Variants in TEP1 observed in about 807,000 individuals in gnomAD.
TEP1 encodes the protein telomerase associated protein 1, also known as telomerase protein component 1.
In TEP1, 241 loss-of-function variants were observed where a neutral mutation model predicts 306.3. The observed-to-expected ratio is 0.79, with a 90% CI of 0.71 to 0.88. The LOEUF (loss-of-function observed/expected upper bound fraction) is 0.88. Among genes scored for constraint, TEP1 ranks in the 40% least tolerant of loss-of-function variants. The probability of loss-of-function intolerance (pLI) is 0.00; values close to 1 mark genes in which losing one functional copy is unlikely to be tolerated. For missense variants in TEP1, 3,051 were observed against 3,276.1 expected, an observed-to-expected ratio of 0.93 and a Z score of 1.68; for synonymous variants, 1,289 against 1,305.5, an observed-to-expected ratio of 0.99 and a Z score of 0.27.
intron 51 of TEP1, 143 bp downstream of exon 51, chr14:20,371,075 T>C: frequency 2.9e-6 from 2 of 678,068 alleles, no homozygotes; most frequent in Non-Finnish European, 5.2e-6. Context: ...TGTCCTAAAT[T>C]AGAACTGCTC....
chr14:20,399,158 G>T (rs1169630709), intron 9 of TEP1, among the ~76,000 whole-genome samples: 1 of 152,200 alleles, frequency 6.6e-6, no homozygotes, highest in Admixed American at 6.5e-5. Context: ...CTCCCAAAGT[G>T]CTGGGATTAC....
chr14:20,386,122 A>G lies in TEP1; in HGVS notation c.2935T>C (p.Tyr979His). The part of the protein sequence containing the change: ...FVGILGSRYG[Y>H]IPPSYNLPDH... ...GGAAGGTTGTAGCTGGGGGGAATGT[A>G]TCCATAACGGGAGCCCAGAATCCCC... Residue 979 changes from tyrosine to histidine, a missense_variant, in exon 20 of 55, where the codon TAC becomes CAC. Tyr to His is a moderately conservative substitution (Grantham distance 83, BLOSUM62 2). Around this residue, in one of 3 missense-constraint regions of TEP1, gnomAD observed 1,507 missense variants for 1,550.5 expected, o/e 0.97. Transcript: ENST00000262715. The G allele has an allele frequency of 1.2e-6, 2 of 1,613,430 alleles. No individual in the cohort carries two copies. Among genetic ancestry groups the G allele is most frequent in the Non-Finnish European group, 1.7e-6 (2 of 1,179,754 alleles).
At chr14:20,407,851 G>C (rs1201173384) in intron 2 of TEP1, 22 bp downstream of exon 2, 1 of 1,553,462 alleles carries the variant, frequency 6.4e-7, no homozygotes, top group Non-Finnish European at 8.7e-7. Context: ...CTGGAGTCAA[G>C]ATGAGTGCCT....
At position 20,403,739 on chromosome 14, in the gene TEP1, C is replaced by T. The variant is rs757899029; in HGVS notation, c.1178G>A (p.Arg393Gln). The T allele has an allele frequency of 5.6e-5, 90 of 1,613,560 alleles. No homozygotes were observed. Among genetic ancestry groups the T allele is most frequent in the Non-Finnish European group, 7.2e-5 (85 of 1,180,014 alleles). The change falls in exon 6 of 55, where the codon CGG becomes CAG. Residue 393 changes from arginine (R) to glutamine (Q), a missense_variant. Arg to Gln is a conservative substitution (Grantham distance 43). Coordinates refer to ENST00000262715, the MANE Select transcript of TEP1 (RefSeq NM_007110.5). ...RKHRAKRHPR[R>Q]PPRSPGMEPP... The stretch of plus-strand genomic sequence containing the variant: ...GTGACTGACTGGAGAGCGGGGTGGC[C>T]GGCGGGGGTGTCTCTTGGCCCGGTG...
chr14:20,381,874 A>G lies in TEP1; in HGVS notation c.4424+39T>C. ...GGCCCCGGCTCAAAGAAGGGAAGGC[A>G]CAGAGAGGTCAGCGGGAGCTCTGCT... is the stretch of plus-strand genomic sequence containing the variant. On this transcript the variant is annotated intron_variant, in intron 30 of 54. Coordinates refer to ENST00000262715, the MANE Select transcript of TEP1 (RefSeq NM_007110.5). The surrounding 1 kb of genome is among the most constrained non-coding windows in gnomAD (Gnocchi z 4.0). The G allele has an allele frequency of 6.2e-7, 1 of 1,608,864 alleles. No homozygotes were observed. The highest frequency in any genetic ancestry group is 1.3e-5 in the African/African-American group (1 of 74,966).
rs952500501 is a variant in TEP1, at chr14:20,369,506, T to C, written c.7494A>G (p.Glu2498=). 1.2e-6 allele frequency: 2 copies of C among 1,614,078 alleles called. No individual in the cohort carries two copies. The highest frequency in any genetic ancestry group is 1.7e-6 in the Non-Finnish European group (2 of 1,180,050). Residue 2498 remains glutamate, a synonymous_variant, in exon 53 of 55, where the codon GAA becomes GAG. Coordinates refer to ENST00000262715, the MANE Select transcript of TEP1 (RefSeq NM_007110.5). ...TCTGCCACATGTTACCTGTGGTCCA[T>C]TCTCCTTCTGGGCTGCATTTGGCCA... ...WNLAKCSPEG[E]WTTGNMWQKK... is the part of the protein sequence containing the mutation.
At chr14:20,368,772 A>ACC in intron 54 of TEP1, 26 bp downstream of exon 54, 1 of 1,548,688 alleles carries the variant, frequency 6.5e-7, no homozygotes, top group Non-Finnish European at 8.9e-7. Flanking sequence ...ACGCACACAC[A>ACC]CACACACACA....
chr14:20,379,057 A>G lies in TEP1; in HGVS notation c.5176T>C (p.Phe1726Leu), dbSNP rs754444773. 14 of 1,614,102 alleles carry G rather than the reference A, an allele frequency of 8.7e-6. No homozygotes were observed. The highest frequency in any genetic ancestry group is 5.1e-6 in the Non-Finnish European group (6 of 1,180,048). ...AGAAAGAGTGTATCATCGGAGAGGAACAAACAAGCAGAGATTCCATCACAG... is the reference window on the plus strand; with the variant it reads ...AGAAAGAGTGTATCATCGGAGAGGAGCAAACAAGCAGAGATTCCATCACAG... Reference protein sequence around the residue: ...SGCDGISACLFLSDDTLFLTA... With the variant: ...SGCDGISACLLLSDDTLFLTA... Residue 1726 changes from phenylalanine to leucine, a missense_variant, in exon 36 of 55, where the codon TTC becomes CTC. By Grantham distance (22) the Phe-to-Leu change is conservative. This residue lies in a region of TEP1 where 1,540 missense variants were observed against 1,705.9 expected (regional missense o/e 0.90). Coordinates refer to ENST00000262715, the MANE Select transcript of TEP1 (RefSeq NM_007110.5).
rs139512373 is a variant in TEP1, at chr14:20,369,777, C to A, written c.7320G>T (p.Arg2440Ser). The part of the protein sequence containing the change: ...PKDPGVLSFL[R>S]QKESGEFEER... ...CTTCAAACTCTCCTGATTCCTTTTGCCTCTGTGAAAGAATAGGTAATTTTG... is the reference window on the plus strand; with the variant it reads ...CTTCAAACTCTCCTGATTCCTTTTGACTCTGTGAAAGAATAGGTAATTTTG... The change falls in exon 52 of 55, where the codon AGG (arginine) becomes AGT (serine). Residue 2440 changes from arginine to serine, a missense_variant and splice_region_variant. By Grantham distance (110) the Arg-to-Ser change is moderately radical. This residue lies in a region of TEP1 where 1,540 missense variants were observed against 1,705.9 expected (regional missense o/e 0.90). Coordinates refer to ENST00000262715, the MANE Select transcript of TEP1 (RefSeq NM_007110.5). 1.2e-6 allele frequency: 2 copies of A among 1,613,538 alleles called. No individual in the cohort carries two copies. Among genetic ancestry groups the A allele is most frequent in the Middle Eastern group, 1.7e-4 (1 of 5,956 alleles).
At position 20,383,735 on chromosome 14, in the gene TEP1, A is replaced by T. The variant is rs767325258; in HGVS notation, c.3710+8T>A. 2.5e-6 allele frequency: 4 copies of T among 1,610,378 alleles called. No individual in the cohort carries two copies. In the South Asian group the frequency reaches 3.3e-5, roughly 13 times the overall value. On this transcript the variant is annotated splice_region_variant and intron_variant, in intron 25 of 54. Transcript: ENST00000262715. ...TCAACAAGGCTGGGCTCATTGGGGGATACCCACCGGTAGGTGCTGGGGAGG... is the reference window on the plus strand; with the variant it reads ...TCAACAAGGCTGGGCTCATTGGGGGTTACCCACCGGTAGGTGCTGGGGAGG...
intron 43 of TEP1, among the ~76,000 whole-genome samples, chr14:20,375,389 C>T (rs1435308387): frequency 2.0e-5 from 3 of 152,008 alleles, no homozygotes; most frequent in Non-Finnish European, 4.4e-5. Flanking sequence ...CTCCTGGCCT[C>T]GTGATCCACT....
At chr14:20,403,581 GC>G in intron 6 of TEP1, 133 bp from the exon 7 acceptor site, 1 of 1,584,990 alleles carries the variant, frequency 6.3e-7, no homozygotes, top group Non-Finnish European at 8.6e-7. Flanking sequence ...TGCACCATAT[GC>G]CCATGAGCTC....
At chr14:20,398,410 G>A (rs1455421273) in intron 9 of TEP1, among the ~76,000 whole-genome samples, 1 of 149,868 alleles carries the variant, frequency 6.7e-6, no homozygotes, top group Non-Finnish European at 1.5e-5. Context: ...ATCAATTTTA[G>A]ACAGTTAATT....
At position 20,407,877 on chromosome 14, in the gene TEP1, G is replaced by T. The variant is rs771831047; in HGVS notation, c.563C>A (p.Thr188Asn). ...ISATETAQEA[T>N]LGRWFDSEEK... The stretch of plus-strand genomic sequence containing the variant: ...ATGAGTGCCTGGAGCTATTACCAAA[G>T]TTGCTTCCTGAGCTGTCTCTGTGGC... The change falls in exon 2 of 55, where the codon ACT (threonine) becomes AAT (asparagine). Residue 188 changes from threonine to asparagine, a missense_variant. By Grantham distance (65) the Thr-to-Asn change is moderately conservative (BLOSUM62 0). Transcript: ENST00000262715. The T allele has an allele frequency of 1.5e-5, 24 of 1,589,554 alleles. No individual in the cohort carries two copies. The highest frequency in any genetic ancestry group is 2.0e-5 in the Non-Finnish European group (23 of 1,167,440).
Position 20,378,131 on chromosome 14 carries a change from G to T in TEP1, c.5614C>A (p.Arg1872=), listed in dbSNP as rs375848101. The change falls in exon 39 of 55, where the codon CGA becomes AGA. Residue 1872 remains arginine, a synonymous_variant. Transcript: ENST00000262715. ...AAGGCAGCCAGCCGTGCCCCTTCTC[G>T]CCAGGCCCACAGCTCCACCATACTG... ...LDSMVELWAW[R]EGARLAAFPA... The T allele has an allele frequency of 6.2e-7, 1 of 1,613,682 alleles. No individual in the cohort carries two copies.
At position 20,365,720 on chromosome 14, in the gene TEP1, T is replaced by C. The variant is rs553734875; in HGVS notation, c.*2717A>G. 3.3e-5 allele frequency: 5 copies of C among 152,380 alleles called. No individual in the cohort carries two copies. Among genetic ancestry groups the C allele is most frequent in the African/African-American group, 1.2e-4 (5 of 41,598 alleles). 9.4% of individuals were successfully genotyped at this position (152,380 alleles called of 1,614,324 possible). A position where few individuals can be genotyped will look rare whatever the true frequency, so the allele number is the denominator to read the frequency against. On this transcript the variant is annotated 3_prime_UTR_variant, in exon 55 of 55. Coordinates refer to ENST00000262715, the MANE Select transcript of TEP1 (RefSeq NM_007110.5). ...TGTCAGATATTACTTTTTAAATTCC[T>C]ACACAGTTTCTAAATGGTTACTCTC...
chr14:20,389,485 A>C, intron 16 of TEP1, 125 bp downstream of exon 16: 1 of 1,499,032 alleles, frequency 6.7e-7, no homozygotes, highest in Admixed American at 1.8e-5. Flanking sequence ...GAAGTGCAAC[A>C]GAGGTAAGAA....
chr14:20,368,713 T>G, intron 54 of TEP1, 85 bp downstream of exon 54: 2 of 1,538,636 alleles, frequency 1.3e-6, no homozygotes, highest in Non-Finnish European at 1.8e-6. Context: ...CCTTTCTTAC[T>G]CTAAGTTTGC....
At chr14:20,401,669 G>A (rs374805639) in intron 7 of TEP1, 88 bp from the exon 8 acceptor site, 49 of 1,536,832 alleles carry the variant, frequency 3.2e-5, no homozygotes, top group African/African-American at 1.4e-4. Context: ...AAGACCATCC[G>A]ATCCCTATGT....
Sources: gnomAD v4.1 joint callset for allele counts (sites outside exome capture counted in the v4.1 genomes callset) on GRCh38, gnomAD v4.1.1 for gene constraint, gnomAD v4.1.1 regional missense constraint, Gnocchi (gnomAD v3.1) non-coding constraint, MANE v1.5 for transcripts, NCBI Gene and HGNC (gene_info 2026-07-23, HGNC 2026-07-21) for gene names.